The following PTPRN2 variants were observed in gnomAD, a reference collection of about 807,000 sequenced individuals.
The protein encoded by PTPRN2 is receptor-type tyrosine-protein phosphatase N2.
Under a neutral mutation model 118.8 loss-of-function variants are expected in PTPRN2, and 74 were observed. That is an observed-to-expected ratio of 0.62 (90% CI 0.52 to 0.76). The LOEUF is 0.76. Among genes scored for constraint, PTPRN2 ranks in the 30% least tolerant of loss-of-function variants. PTPRN2 has a pLI of 0.00. For missense variants in PTPRN2, 1,481 were observed against 1,394.4 expected (o/e 1.06, Z -0.99); for synonymous variants, 641 against 608.0 (o/e 1.05, Z -0.80).
chr7:158,071,718 G>GTGGAGATGCTCGTGGTGA lies in PTPRN2; in HGVS notation c.1723+9579_1723+9580insTCACCACGAGCATCTCCA, dbSNP rs1811805729. On this transcript the variant is annotated intron_variant, in intron 11 of 22. Transcript: ENST00000389418. ...GCTTGTGGTGGAGGTGCTCCTGGTG[G>GTGGAGATGCTCGTGGTGA]TGGAGGTGCTCGTGGTGGTGGAGGT... Among the ~76,000 whole-genome samples, 8 of 137,900 alleles carry GTGGAGATGCTCGTGGTGA rather than the reference G, an allele frequency of 5.8e-5. 1 individual carries two copies. Among genetic ancestry groups the GTGGAGATGCTCGTGGTGA allele is most frequent in the African/African-American group, 2.3e-4 (8 of 34,422 alleles). 90.5% of individuals were successfully genotyped at this position (137,900 alleles called of 152,430 possible).
intron 2 of PTPRN2, among the ~76,000 whole-genome samples, chr7:158,373,572 C>A (rs144922617): frequency 3.3e-5 from 5 of 152,330 alleles, no homozygotes; most frequent in African/African-American, 1.2e-4. Flanking sequence ...CCAGCTGCCA[C>A]TGAAGCAAAC....
At chr7:157,747,343 T>C (rs200682116) in intron 12 of PTPRN2, among the ~76,000 whole-genome samples, 1 of 121,370 alleles carries the variant, frequency 8.2e-6, no homozygotes, top group African/African-American at 3.3e-5. Context: ...CCCTGAGCTG[T>C]GGGGTGTCCG....
intron 13 of PTPRN2, among the ~76,000 whole-genome samples, chr7:157,680,298 G>C (rs1796858083): frequency 6.6e-6 from 1 of 152,114 alleles, no homozygotes; most frequent in African/African-American, 2.4e-5. Flanking sequence ...AAGTACACAG[G>C]TTCAGTGAGC....
At chr7:158,400,001 C>T (rs966961790) in intron 2 of PTPRN2, among the ~76,000 whole-genome samples, 2 of 152,170 alleles carry the variant, frequency 1.3e-5, no homozygotes, top group African/African-American at 4.8e-5. Context: ...AAACTCCCTG[C>T]ATGCAAGAGA....
chr7:157,918,920 C>T (rs1189724465), intron 11 of PTPRN2, among the ~76,000 whole-genome samples: 2 of 152,202 alleles, frequency 1.3e-5, no homozygotes, highest in Admixed American at 1.3e-4. Context: ...TAACTGCACC[C>T]GGCACTAACC....
rs1481987695 is a variant in PTPRN2, at chr7:157,987,514, A to T, written c.1724-88777T>A. 6.6e-6 allele frequency among the ~76,000 whole-genome samples: 1 copy of T among 152,098 alleles called. No individual in the cohort carries two copies. Among genetic ancestry groups the T allele is most frequent in the Non-Finnish European group, 1.5e-5 (1 of 68,016 alleles). On this transcript the variant is annotated intron_variant, in intron 11 of 22. Transcript: ENST00000389418. The surrounding 1 kb of genome is among the most constrained non-coding windows in gnomAD (Gnocchi z 4.3). The stretch of plus-strand genomic sequence containing the variant: ...TGACCTGTCAGTCATTATCTCTTGC[A>T]TAAGAGACTTCCCAGGGGCAGAGCA...
chr7:158,112,771 G>A lies in PTPRN2; in HGVS notation c.1557-1856C>T, dbSNP rs553024763. The stretch of plus-strand genomic sequence containing the variant: ...GGTGCTGAGGGCAGTGCATCCATGT[G>A]TGCAGAGGTCAGAGGCCCCAGCAGG... On this transcript the variant is annotated intron_variant, in intron 9 of 22. Coordinates refer to ENST00000389418, the MANE Select transcript of PTPRN2 (RefSeq NM_002847.5). Among the ~76,000 whole-genome samples the A allele has an allele frequency of 4.6e-5, 7 of 151,642 alleles. No individual in the cohort carries two copies. In the South Asian group the frequency reaches 1.5e-3, roughly 32 times the overall value.
intron 12 of PTPRN2, among the ~76,000 whole-genome samples, chr7:157,700,545 C>G (rs561749476): frequency 1.0e-3 from 152 of 152,302 alleles, no homozygotes; most frequent in Middle Eastern, 3.4e-3. Context: ...CCTTATCTGA[C>G]CTTATTCCCC....
chr7:157,850,573 A>G (rs1333158265), intron 12 of PTPRN2, among the ~76,000 whole-genome samples: 1 of 152,188 alleles, frequency 6.6e-6, no homozygotes, highest in African/African-American at 2.4e-5. Flanking sequence ...CCAAATCCAG[A>G]ATTCTCCTTT....
rs1801326578 is a variant in PTPRN2, at chr7:157,596,117, AGT to A, written c.2419-804_2419-803del. Among the ~76,000 whole-genome samples the A allele has an allele frequency of 6.6e-6, 1 of 152,226 alleles. No individual in the cohort carries two copies. The highest frequency in any genetic ancestry group is 1.5e-5 in the Non-Finnish European group (1 of 68,038). On this transcript the variant is annotated intron_variant, in intron 16 of 22. Transcript: ENST00000389418. This position sits in a 1 kb window ranked among gnomAD's most constrained non-coding sequence, Gnocchi z 4.2. ...GCTGAGCTCCAAGCTCTCAATGGAGAGTGTGAACAGGGTTCCTCCAGGCCTCA... is the reference window on the plus strand; with the variant it reads ...GCTGAGCTCCAAGCTCTCAATGGAGAGTGAACAGGGTTCCTCCAGGCCTCA...
In PTPRN2 at chr7:158,517,303, C is replaced by T. The variant is rs985437989; in HGVS notation, c.113-27518G>A. On this transcript the variant is annotated intron_variant, in intron 1 of 22. Transcript: ENST00000389418. This position sits in a 1 kb window ranked among gnomAD's most constrained non-coding sequence, Gnocchi z 5.3. ...CCACAGCCTTGGAGGAGGCAGAGTG[C>T]GGGCAGCGCCCCCTCACAGAACCGC... 1.3e-5 allele frequency among the ~76,000 whole-genome samples: 2 copies of T among 152,202 alleles called. No individual in the cohort carries two copies. Among genetic ancestry groups the T allele is most frequent in the Admixed American group, 6.5e-5 (1 of 15,286 alleles).
chr7:157,663,016 T>C (rs963775137), intron 13 of PTPRN2, among the ~76,000 whole-genome samples: 1 of 152,068 alleles, frequency 6.6e-6, no homozygotes, highest in African/African-American at 2.4e-5. Context: ...GTGGCTGTCA[T>C]GGGACCAACT....
intron 14 of PTPRN2, among the ~76,000 whole-genome samples, chr7:157,628,823 G>C (rs191399086): frequency 1.8e-3 from 281 of 152,288 alleles, no homozygotes; most frequent in African/African-American, 6.2e-3. Context: ...GCTGCACTGC[G>C]GTTCTGGGGA....
rs563967801 is a variant in PTPRN2 at position 157,623,408 on chromosome 7, T to C, written c.2197-1899A>G. Among the ~76,000 whole-genome samples the C allele has an allele frequency of 2.6e-5, 4 of 152,294 alleles. No individual in the cohort carries two copies. In the South Asian group the frequency reaches 8.3e-4, roughly 32 times the overall value. ...CAAAATCATTCTGGGTCCTAGCTTTTCTTTGAAAAATGCTCTTTTCATAAA... is the reference window on the plus strand; with the variant it reads ...CAAAATCATTCTGGGTCCTAGCTTTCCTTTGAAAAATGCTCTTTTCATAAA... On this transcript the variant is annotated intron_variant, in intron 14 of 22. Transcript: ENST00000389418.
chr7:158,517,505 C>G lies in PTPRN2; in HGVS notation c.113-27720G>C, dbSNP rs1470046963. On this transcript the variant is annotated intron_variant, in intron 1 of 22. Coordinates refer to ENST00000389418, the MANE Select transcript of PTPRN2 (RefSeq NM_002847.5). The surrounding 1 kb of genome is among the most constrained non-coding windows in gnomAD (Gnocchi z 5.3). ...ACTCTGCCTCAGCCCCACCGCCCCC[C>G]AGCCTGAGCCCCGTTCCACCTCCTC... Among the ~76,000 whole-genome samples the G allele has an allele frequency of 6.6e-6, 1 of 152,194 alleles. No homozygotes were observed. The highest frequency in any genetic ancestry group is 2.4e-5 in the African/African-American group (1 of 41,452).
intron 6 of PTPRN2, among the ~76,000 whole-genome samples, chr7:158,154,005 A>G (rs1469836793): frequency 6.6e-6 from 1 of 152,182 alleles, no homozygotes; most frequent in African/African-American, 2.4e-5. Flanking sequence ...TGTAGGAACC[A>G]TGGGAGGGTT....
chr7:158,440,808 GGTGGTA>G (rs1454059120), intron 2 of PTPRN2, among the ~76,000 whole-genome samples: 5 of 98,012 alleles, frequency 5.1e-5, no homozygotes, highest in Non-Finnish European at 1.1e-4. Flanking sequence ...TAGTGGTGAT[GGTGGTA>G]GTAGTAGTGG....
chr7:158,095,735 T>C (rs759213287), intron 10 of PTPRN2, among the ~76,000 whole-genome samples: 6 of 151,986 alleles, frequency 3.9e-5, no homozygotes, highest in Non-Finnish European at 8.8e-5. Context: ...AGCGTAGGAG[T>C]GTATACTTTC....
At chr7:158,535,112 G>A (rs1474948594) in intron 1 of PTPRN2, among the ~76,000 whole-genome samples, 1 of 152,120 alleles carries the variant, frequency 6.6e-6, no homozygotes, top group Non-Finnish European at 1.5e-5. Context: ...GATTCCATGG[G>A]GTATTCTTTT....
Sources: allele counts gnomAD v4.1 joint callset (sites outside exome capture counted in the v4.1 genomes callset), GRCh38; gene constraint gnomAD v4.1.1; non-coding constraint Gnocchi (gnomAD v3.1); transcripts MANE v1.5; gene names NCBI Gene and HGNC (gene_info 2026-07-23, HGNC 2026-07-21).